The following FMNL2 variants were observed in gnomAD, a reference collection of about 807,000 sequenced individuals.
FMNL2 encodes the protein formin like 2, also known as formin-like protein 2.
Under a neutral mutation model 130.2 loss-of-function variants are expected in FMNL2, and 51 were observed. The ratio of observed to expected loss-of-function variants is 0.39; its 90% CI spans 0.31 to 0.49. The LOEUF (loss-of-function observed/expected upper bound fraction) is 0.49, where lower values mean the gene tolerates loss of function less well. Ranked by LOEUF, FMNL2 falls within the 20% of genes least tolerant of loss-of-function variation. The pLI is 0.85. For synonymous variants in FMNL2, 465 were observed against 467.1 expected (o/e 1.00, Z 0.06); for missense variants, 977 against 1,316.2 (o/e 0.74, Z 3.99).
chr2:152,614,246 A>T (rs1232482707), intron 11 of FMNL2, among the ~76,000 whole-genome samples: 1 of 152,154 alleles, frequency 6.6e-6, no homozygotes, highest in African/African-American at 2.4e-5. Flanking sequence ...TGTTGTCCCA[A>T]TTTCATGTAT....
At chr2:152,631,074 A>C (rs1682125427) in intron 20 of FMNL2, among the ~76,000 whole-genome samples, 1 of 152,100 alleles carries the variant, frequency 6.6e-6, no homozygotes, top group South Asian at 2.1e-4. Flanking sequence ...AGGCACAGTG[A>C]GAGATTCACA....
chr2:152,390,759 C>T (rs918380415), intron 1 of FMNL2: 11 of 596,368 alleles, frequency 1.8e-5, no homozygotes, highest in African/African-American at 1.7e-4. Context: ...CCTAGACACA[C>T]GGATCCCAGG....
chr2:152,618,265 G>A (rs1355917584), intron 13 of FMNL2, among the ~76,000 whole-genome samples: 2 of 152,142 alleles, frequency 1.3e-5, no homozygotes, highest in Admixed American at 6.5e-5. Flanking sequence ...TTTGTTAACC[G>A]CATTACCGAT....
At chr2:152,586,856 C>T (rs950293889) in intron 9 of FMNL2, among the ~76,000 whole-genome samples, 1 of 152,134 alleles carries the variant, frequency 6.6e-6, no homozygotes, top group Non-Finnish European at 1.5e-5. Context: ...AAGTACCCCA[C>T]ACTTCATTTT....
intron 20 of FMNL2, 68 bp from the exon 21 acceptor site, chr2:152,631,940 C>A: frequency 6.6e-7 from 1 of 1,516,052 alleles, no homozygotes; most frequent in Non-Finnish European, 8.8e-7. Context: ...GGGAAATCGT[C>A]ACCTGAGGGG....
intron 1 of FMNL2, among the ~76,000 whole-genome samples, chr2:152,358,974 AATTC>A (rs72147059): frequency 0.088 from 13,374 of 152,212 alleles, 644 homozygotes; most frequent in African/African-American, 0.13. Flanking sequence ...GTGTTAGAGA[AATTC>A]ATCCCCACAG....
intron 23 of FMNL2, 54 bp downstream of exon 23, chr2:152,637,728 G>C: frequency 6.6e-7 from 1 of 1,513,920 alleles, no homozygotes; most frequent in Non-Finnish European, 9.2e-7. Flanking sequence ...CCCTCCTTGA[G>C]ATGTGTCTGA....
At position 152,433,603 on chromosome 2, in the gene FMNL2, A is replaced by G. The variant is rs2106099776; in HGVS notation, c.118-88340A>G. Among the ~76,000 whole-genome samples the G allele has an allele frequency of 1.3e-5, 2 of 152,278 alleles. 1 individual carries two copies. Among genetic ancestry groups the G allele is most frequent in the South Asian group, 4.1e-4 (2 of 4,820 alleles). On this transcript the variant is annotated intron_variant, in intron 1 of 25. Transcript: ENST00000288670. ...TGAATGTAAAGTTGCATGCCCCTGG[A>G]CACAGTGCTTGGGTGAGAGATGACA... is the stretch of plus-strand genomic sequence containing the variant.
At chr2:152,411,950 G>A (rs1014426577) in intron 1 of FMNL2, among the ~76,000 whole-genome samples, 7 of 152,142 alleles carry the variant, frequency 4.6e-5, no homozygotes, top group Admixed American at 1.3e-4. Context: ...GTGATCCAGG[G>A]AGGTGTGACC....
chr2:152,433,099 C>T (rs900749740), intron 1 of FMNL2, among the ~76,000 whole-genome samples: 2 of 152,086 alleles, frequency 1.3e-5, no homozygotes, highest in African/African-American at 2.4e-5. Context: ...ACCTAATAGG[C>T]GCTGAATAAA....
At chr2:152,496,626 A>G (rs1579811014) in intron 1 of FMNL2, among the ~76,000 whole-genome samples, 1 of 152,160 alleles carries the variant, frequency 6.6e-6, no homozygotes, top group Non-Finnish European at 1.5e-5. Context: ...GTGATTTTTA[A>G]ATTTCTGTCA....
intron 8 of FMNL2, among the ~76,000 whole-genome samples, chr2:152,579,243 T>G (rs1470860298): frequency 6.6e-6 from 1 of 152,174 alleles, no homozygotes; most frequent in African/African-American, 2.4e-5. Flanking sequence ...CTGCTAAATT[T>G]GGAGAGGATC....
At chr2:152,533,159 GATT>G (rs1476008605) in intron 2 of FMNL2, among the ~76,000 whole-genome samples, 7 of 152,108 alleles carry the variant, frequency 4.6e-5, no homozygotes, top group African/African-American at 1.7e-4. Context: ...AGGTCACAGA[GATT>G]ATCTCTTATG....
chr2:152,480,843 T>C (rs1359599552), intron 1 of FMNL2, among the ~76,000 whole-genome samples: 1 of 152,100 alleles, frequency 6.6e-6, no homozygotes, highest in Non-Finnish European at 1.5e-5. Flanking sequence ...GCACTGTTCA[T>C]TTTTCCAGTG....
At chr2:152,371,754 G>A (rs1683899030) in intron 1 of FMNL2, among the ~76,000 whole-genome samples, 1 of 151,706 alleles carries the variant, frequency 6.6e-6, no homozygotes, top group African/African-American at 2.4e-5. Context: ...TTGCCTTCAT[G>A]CATGAATTGA....
intron 18 of FMNL2, 74 bp downstream of exon 18, chr2:152,628,607 GA>G: frequency 7.5e-7 from 1 of 1,331,414 alleles, no homozygotes; most frequent in South Asian, 1.2e-5. Context: ...GTCTCTCCCA[GA>G]ATCGTACTCA....
chr2:152,487,179 T>C (rs912140993), intron 1 of FMNL2, among the ~76,000 whole-genome samples: 1 of 152,246 alleles, frequency 6.6e-6, no homozygotes, highest in African/African-American at 2.4e-5. Flanking sequence ...TGAAAACTTG[T>C]CCCTAAGGGA....
chr2:152,630,251 G>A (rs10178618), intron 20 of FMNL2, among the ~76,000 whole-genome samples: 98,431 of 152,104 alleles, frequency 0.65, 32,120 homozygotes, highest in East Asian at 0.85. Flanking sequence ...TCCACCGTTA[G>A]CATACTGATG....
At chr2:152,444,210 G>T (rs1328614006) in intron 1 of FMNL2, among the ~76,000 whole-genome samples, 2 of 152,180 alleles carry the variant, frequency 1.3e-5, no homozygotes, top group Admixed American at 1.3e-4. Flanking sequence ...GATGATGGAA[G>T]AGACTTGAGA....
Sources: allele counts gnomAD v4.1 joint callset (sites outside exome capture counted in the v4.1 genomes callset), GRCh38; gene constraint gnomAD v4.1.1; transcripts MANE v1.5; gene names NCBI Gene and HGNC (gene_info 2026-07-23, HGNC 2026-07-21).